Variants in ZNF438 observed in about 807,000 individuals in gnomAD.
ZNF438 encodes the protein zinc finger protein 438.
A neutral mutation model predicts 38.0 loss-of-function variants in ZNF438; 25 were observed. The observed-to-expected ratio is 0.66, with a 90% CI of 0.48 to 0.92. The LOEUF (loss-of-function observed/expected upper bound fraction) is 0.92. Among genes scored for constraint, ZNF438 ranks in the 40% least tolerant of loss-of-function variants. The probability of loss-of-function intolerance (pLI) is 0.00; values close to 1 mark genes in which losing one functional copy is unlikely to be tolerated. For synonymous variants in ZNF438, 372 were observed against 364.1 expected (o/e 1.02, Z -0.25); for missense variants, 1,007 against 999.6 (o/e 1.01, Z -0.10).
chr10:30,954,935 C>T lies in ZNF438; in HGVS notation c.-191-13284G>A, dbSNP rs56191267. 1.6e-3 allele frequency among the ~76,000 whole-genome samples: 245 copies of T among 152,180 alleles called. 1 individual carries two copies. The highest frequency in any genetic ancestry group is 5.1e-3 in the African/African-American group (213 of 41,518). On this transcript the variant is annotated intron_variant, in intron 1 of 5. Transcript: ENST00000413025. ...ACTCTAAATTGAGAGAGCAAAACCTCGAGCCAGGGAGAATCATTATCAGGA... is the reference window on the plus strand; with the variant it reads ...ACTCTAAATTGAGAGAGCAAAACCTTGAGCCAGGGAGAATCATTATCAGGA...
At chr10:30,998,818 T>C (rs1258191683) in intron 1 of ZNF438, among the ~76,000 whole-genome samples, 1 of 152,296 alleles carries the variant, frequency 6.6e-6, no homozygotes, top group Non-Finnish European at 1.5e-5. Context: ...CAGTATACCA[T>C]GATATAGTTT....
intron 2 of ZNF438, among the ~76,000 whole-genome samples, chr10:30,913,122 C>T (rs1039289733): frequency 6.6e-6 from 1 of 152,090 alleles, no homozygotes; most frequent in Non-Finnish European, 1.5e-5. Context: ...CCCAAAGCAC[C>T]ATCCACGCTG....
At chr10:30,890,253 A>G (rs2040522395) in intron 3 of ZNF438, among the ~76,000 whole-genome samples, 1 of 152,212 alleles carries the variant, frequency 6.6e-6, no homozygotes, top group Non-Finnish European at 1.5e-5. Context: ...TGAACTTGGT[A>G]GATTAAGAAT....
intron 4 of ZNF438, among the ~76,000 whole-genome samples, chr10:30,858,565 G>A (rs772959111): frequency 6.6e-5 from 10 of 152,144 alleles, no homozygotes; most frequent in Admixed American, 3.9e-4. Flanking sequence ...AAAACGTGCC[G>A]GCAATAGGCA....
rs1304475936 is a variant in ZNF438, at chr10:30,963,738, G to A, written c.-191-22087C>T. Among the ~76,000 whole-genome samples the A allele has an allele frequency of 5.9e-5, 9 of 151,980 alleles. No individual in the cohort carries two copies. The South Asian group carries it at 1.0e-3, about 18-fold the overall frequency. Reference sequence around the variant, plus strand: ...CTACTAAAAACTACAAAAATTAGCCGGGTACGGTGGCAGGCGCCTGTAATC... The same window carrying A: ...CTACTAAAAACTACAAAAATTAGCCAGGTACGGTGGCAGGCGCCTGTAATC... On this transcript the variant is annotated intron_variant, in intron 1 of 5. Transcript: ENST00000413025.
chr10:30,855,967 G>A (rs1052766767), intron 4 of ZNF438, among the ~76,000 whole-genome samples: 1 of 152,202 alleles, frequency 6.6e-6, no homozygotes, highest in Non-Finnish European at 1.5e-5. Context: ...CTCTGTGCCT[G>A]GCACACAGGA....
intron 1 of ZNF438, among the ~76,000 whole-genome samples, chr10:30,944,778 G>A (rs1204486966): frequency 6.6e-6 from 1 of 152,190 alleles, no homozygotes; most frequent in Non-Finnish European, 1.5e-5. Context: ...AGTTAGTCAT[G>A]TCAAAGAGGA....
chr10:31,006,045 C>G (rs1195521077), intron 1 of ZNF438, among the ~76,000 whole-genome samples: 1 of 152,222 alleles, frequency 6.6e-6, no homozygotes, highest in Non-Finnish European at 1.5e-5. Flanking sequence ...TCCCTGGAAT[C>G]TCTGTCTACC....
chr10:31,026,818 A>G (rs1037586788), intron 1 of ZNF438, among the ~76,000 whole-genome samples: 1 of 152,196 alleles, frequency 6.6e-6, no homozygotes, highest in Non-Finnish European at 1.5e-5. Context: ...ACTATTCACA[A>G]TAGCAAAGAC....
At chr10:31,011,442 C>CTAGA (rs994339873) in intron 1 of ZNF438, among the ~76,000 whole-genome samples, 1 of 152,104 alleles carries the variant, frequency 6.6e-6, no homozygotes, top group Admixed American at 6.5e-5. Flanking sequence ...AAACCTAGAT[C>CTAGA]TAGAGGAAGT....
chr10:30,875,647 G>C (rs937331678), intron 4 of ZNF438: 1 of 937,272 alleles, frequency 1.1e-6, no homozygotes, highest in African/African-American at 1.8e-5. Context: ...TTTCTAGTTG[G>C]GGTTTGCCCA....
At chr10:30,911,125 A>G (rs2043037016) in intron 2 of ZNF438, among the ~76,000 whole-genome samples, 2 of 152,186 alleles carry the variant, frequency 1.3e-5, no homozygotes, top group South Asian at 4.1e-4. Context: ...TTATAATTTC[A>G]AATGAGAACA....
At chr10:30,954,236 A>G (rs377722198) in intron 1 of ZNF438, among the ~76,000 whole-genome samples, 4 of 152,246 alleles carry the variant, frequency 2.6e-5, no homozygotes, top group South Asian at 2.1e-4. Context: ...TTAGCTATCT[A>G]TAAGTTATGG....
intron 1 of ZNF438, among the ~76,000 whole-genome samples, chr10:30,961,838 A>G (rs2049525246): frequency 7.1e-6 from 1 of 141,506 alleles, no homozygotes; most frequent in Non-Finnish European, 1.6e-5. Flanking sequence ...CAGTGGGCCG[A>G]GATTGCACCA....
intron 4 of ZNF438, among the ~76,000 whole-genome samples, chr10:30,856,558 T>C (rs1027793577): frequency 6.6e-5 from 10 of 152,194 alleles, no homozygotes; most frequent in Admixed American, 1.3e-4. Context: ...CTTTCACAGA[T>C]GGTGTGATCT....
At chr10:30,884,968 G>A (rs1157718756) in intron 3 of ZNF438, among the ~76,000 whole-genome samples, 1 of 152,188 alleles carries the variant, frequency 6.6e-6, no homozygotes, top group African/African-American at 2.4e-5. Flanking sequence ...CATGTTGTGA[G>A]TACATGTATA....
At chr10:31,027,192 G>A (rs1207511308) in intron 1 of ZNF438, among the ~76,000 whole-genome samples, 4 of 152,034 alleles carry the variant, frequency 2.6e-5, no homozygotes, top group Non-Finnish European at 5.9e-5. Flanking sequence ...GTATACATAT[G>A]TAACAAACCT....
In ZNF438 at chr10:30,948,051, T is replaced by G. The variant is rs997428105; in HGVS notation, c.-191-6400A>C. ...CTTGGCTCCTCCGCAGCTGGAGATC[T>G]CAGTACGGGCAGACTGCCTCCTCAA... On this transcript the variant is annotated intron_variant, in intron 1 of 5. Coordinates refer to ENST00000413025, the Ensembl canonical transcript of ZNF438. Among the ~76,000 whole-genome samples, 5 of 152,248 alleles carry G rather than the reference T, an allele frequency of 3.3e-5. No individual in the cohort carries two copies. The East Asian group carries it at 9.7e-4, about 29-fold the overall frequency.
intron 1 of ZNF438, among the ~76,000 whole-genome samples, chr10:30,966,222 T>C (rs2050100589): frequency 1.3e-5 from 2 of 151,906 alleles, no homozygotes; most frequent in African/African-American, 2.4e-5. Context: ...CTCAGGTACT[T>C]AGGAGGCTGA....
Sources: gnomAD v4.1 joint callset for allele counts (sites outside exome capture counted in the v4.1 genomes callset) on GRCh38, gnomAD v4.1.1 for gene constraint, MANE v1.5 for transcripts, NCBI Gene and HGNC (gene_info 2026-07-23, HGNC 2026-07-21) for gene names.